The following DPP10 variants were observed in gnomAD, a reference collection of about 807,000 sequenced individuals.
DPP10 encodes the protein dipeptidyl peptidase like 10, also known as inactive dipeptidyl peptidase 10.
In DPP10, 33 loss-of-function variants were observed where a neutral mutation model predicts 120.9. That is an observed-to-expected ratio of 0.27 (90% CI 0.21 to 0.37). The LOEUF (loss-of-function observed/expected upper bound fraction) is 0.37. Among genes scored for constraint, DPP10 ranks in the 10% least tolerant of loss-of-function variants. The pLI, the probability that DPP10 is intolerant of heterozygous loss-of-function variation, is 1.00. For missense variants in DPP10, 816 were observed against 942.8 expected, an observed-to-expected ratio of 0.87 and a Z score of 1.76; for synonymous variants, 337 against 326.1, an observed-to-expected ratio of 1.03 and a Z score of -0.36.
In DPP10 at chr2:115,209,546, G is replaced by T. The variant is rs886123236; in HGVS notation, c.61-99693G>T. Among the ~76,000 whole-genome samples the T allele has an allele frequency of 7.2e-5, 11 of 152,028 alleles. 1 individual carries two copies. The highest frequency in any genetic ancestry group is 7.2e-4 in the Admixed American group (11 of 15,262). On this transcript the variant is annotated intron_variant, in intron 1 of 25. Transcript: ENST00000410059. ...TTGCTAAAGTAGACTTTATTCTTTT[G>T]CATTTCTATTATTTCTTTCTTATTA...
chr2:115,751,529 C>T (rs1013082163), intron 10 of DPP10, among the ~76,000 whole-genome samples: 1 of 152,086 alleles, frequency 6.6e-6, no homozygotes, highest in African/African-American at 2.4e-5. Context: ...TGCCAGATGT[C>T]TTGAAGAAAT....
At chr2:115,311,232 T>C (rs936689214) in intron 2 of DPP10, among the ~76,000 whole-genome samples, 1 of 152,194 alleles carries the variant, frequency 6.6e-6, no homozygotes, top group African/African-American at 2.4e-5. Flanking sequence ...ACTTTACTCA[T>C]CTGCATGATG....
intron 1 of DPP10, among the ~76,000 whole-genome samples, chr2:114,586,107 T>A (rs920687037): frequency 6.6e-6 from 1 of 152,092 alleles, no homozygotes; most frequent in African/African-American, 2.4e-5. Context: ...ATTAATTAGC[T>A]GGGTATCATG....
chr2:114,651,592 A>G (rs1381408910), intron 1 of DPP10, among the ~76,000 whole-genome samples: 1 of 152,164 alleles, frequency 6.6e-6, no homozygotes, highest in Admixed American at 6.5e-5. Context: ...CTATTCCGTG[A>G]CACTGTTTTA....
chr2:115,014,065 C>A (rs1702459095), intron 1 of DPP10, among the ~76,000 whole-genome samples: 1 of 152,126 alleles, frequency 6.6e-6, no homozygotes, highest in African/African-American at 2.4e-5. Flanking sequence ...CACATCACAC[C>A]TATTCTAAAA....
chr2:114,790,567 G>A lies in DPP10; in HGVS notation c.60+347729G>A, dbSNP rs144209095. ...GGTGCAGGCGGGCTGAGTCCGAAAA[G>A]AGAGTCCGCAAAGGGAGATAAAGGT... On this transcript the variant is annotated intron_variant, in intron 1 of 25. Coordinates refer to ENST00000410059, the MANE Select transcript of DPP10 (RefSeq NM_020868.6). Among the ~76,000 whole-genome samples the A allele has an allele frequency of 5.6e-3, 851 of 152,240 alleles. 9 individuals carry two copies. Among genetic ancestry groups the A allele is most frequent in the African/African-American group, 0.02 (815 of 41,536 alleles).
At chr2:115,832,032 A>G (rs186936900) in intron 21 of DPP10, among the ~76,000 whole-genome samples, 1 of 152,318 alleles carries the variant, frequency 6.6e-6, no homozygotes, top group East Asian at 1.9e-4. Flanking sequence ...ACCTGATGAT[A>G]TGCATTGTTT....
intron 1 of DPP10, among the ~76,000 whole-genome samples, chr2:115,245,165 G>A (rs368903724): frequency 4.6e-5 from 7 of 151,800 alleles, no homozygotes; most frequent in African/African-American, 1.7e-4. Flanking sequence ...TGCTATAAAC[G>A]CCATTATTTT....
rs58444943 is a variant in DPP10, at chr2:115,617,272, T to TATATATATA, written c.442-72415_442-72414insATATATATA. Among the ~76,000 whole-genome samples the TATATATATA allele has an allele frequency of 6.9e-3, 943 of 135,820 alleles. 13 individuals carry two copies. Among genetic ancestry groups the TATATATATA allele is most frequent in the African/African-American group, 0.023 (821 of 36,346 alleles). The allele number at this position is 135,820 out of a possible 152,430, so 89.1% of individuals were successfully genotyped here. On this transcript the variant is annotated intron_variant, in intron 5 of 25. Transcript: ENST00000410059. ...GTATGTATGGGTATATATATATTTT[T>TATATATATA]TATATATATATATATATACACACAT...
chr2:115,519,872 G>A (rs994637413), intron 4 of DPP10, among the ~76,000 whole-genome samples: 1 of 152,098 alleles, frequency 6.6e-6, no homozygotes, highest in African/African-American at 2.4e-5. Context: ...ACTGCACTAT[G>A]AAAGAAGCAT....
chr2:114,831,381 C>G (rs1687105564), intron 1 of DPP10, among the ~76,000 whole-genome samples: 1 of 152,048 alleles, frequency 6.6e-6, no homozygotes, highest in Non-Finnish European at 1.5e-5. Flanking sequence ...TGAACAGAAC[C>G]CCCAAACTGA....
At chr2:115,809,259 A>G (rs1048452488) in intron 19 of DPP10, among the ~76,000 whole-genome samples, 17 of 152,220 alleles carry the variant, frequency 1.1e-4, no homozygotes, top group African/African-American at 4.1e-4. Context: ...ATGTGGATCT[A>G]TGTGTACATA....
chr2:115,804,948 T>G (rs1430392250), intron 19 of DPP10, among the ~76,000 whole-genome samples: 1 of 152,214 alleles, frequency 6.6e-6, no homozygotes, highest in African/African-American at 2.4e-5. Flanking sequence ...ACTACTACTC[T>G]CTTCAAAGCT....
rs542539264 is a variant in DPP10 at position 115,619,896 on chromosome 2, G to A, written c.442-69791G>A. 1.2e-4 allele frequency among the ~76,000 whole-genome samples: 18 copies of A among 152,190 alleles called. No homozygotes were observed. In the South Asian group the frequency reaches 2.7e-3, roughly 23 times the overall value. On this transcript the variant is annotated intron_variant, in intron 5 of 25. Transcript: ENST00000410059. ...ACGAGTGATTTAAAAAATTTGGGAA[G>A]GATATTGAAATGAACCTAATTGTGG...
intron 1 of DPP10, among the ~76,000 whole-genome samples, chr2:115,164,790 C>T (rs79382638): frequency 0.039 from 5,902 of 152,220 alleles, 358 homozygotes; most frequent in African/African-American, 0.13. Context: ...CTGTTAGTGT[C>T]CTCTGGCACA....
intron 5 of DPP10, among the ~76,000 whole-genome samples, chr2:115,564,271 AT>A (rs2080866144): frequency 2.4e-5 from 2 of 82,286 alleles, no homozygotes; most frequent in African/African-American, 8.7e-5. Context: ...TAAATGTTTT[AT>A]TTTTATTTTA....
At chr2:114,621,950 A>G (rs1694123615) in intron 1 of DPP10, among the ~76,000 whole-genome samples, 1 of 151,930 alleles carries the variant, frequency 6.6e-6, no homozygotes, top group Non-Finnish European at 1.5e-5. Context: ...GGCAGGGCAC[A>G]AAGAAATGAC....
chr2:115,077,336 T>C (rs1441047624), intron 1 of DPP10, among the ~76,000 whole-genome samples: 1 of 152,164 alleles, frequency 6.6e-6, no homozygotes, highest in Admixed American at 6.5e-5. Flanking sequence ...AAGAATTATA[T>C]AATTTTTTAT....
intron 21 of DPP10, among the ~76,000 whole-genome samples, chr2:115,834,060 A>T (rs1002979271): frequency 6.6e-6 from 1 of 152,194 alleles, no homozygotes; most frequent in Non-Finnish European, 1.5e-5. Context: ...GAAGTAGCTT[A>T]TATCTATATA....
Sources: allele counts gnomAD v4.1 joint callset (sites outside exome capture counted in the v4.1 genomes callset), GRCh38; gene constraint gnomAD v4.1.1; transcripts MANE v1.5; gene names NCBI Gene and HGNC (gene_info 2026-07-23, HGNC 2026-07-21).